The following HYCC1 variants were observed in gnomAD, a reference collection of about 807,000 sequenced individuals.
The protein encoded by HYCC1 is hyccin PI4KA lipid kinase complex subunit 1, also known as hyccin.
the HYCC1 span, among the ~76,000 whole-genome samples, chr7:22,958,886 G>C: frequency 6.6e-6 from 1 of 152,106 alleles, no homozygotes; most frequent in South Asian, 2.1e-4. Context: ...ATTCATTCTT[G>C]TGCTTCCTGT....
At chr7:22,967,560 T>C in the HYCC1 span, among the ~76,000 whole-genome samples, 7 of 152,164 alleles carry the variant, frequency 4.6e-5, no homozygotes, top group Non-Finnish European at 1.0e-4. Flanking sequence ...TTTTGTTTTG[T>C]TTTAAGCAAA....
At chr7:23,003,334 C>T in the HYCC1 span, among the ~76,000 whole-genome samples, 1 of 151,864 alleles carries the variant, frequency 6.6e-6, no homozygotes, top group African/African-American at 2.4e-5. Flanking sequence ...GATTCACAGT[C>T]TATTAGGAGA....
chr7:22,959,159 A>G, the HYCC1 span, among the ~76,000 whole-genome samples: 2 of 152,174 alleles, frequency 1.3e-5, no homozygotes, highest in East Asian at 3.8e-4. Flanking sequence ...CCTCTTTTAT[A>G]CTTTCCTATG....
the HYCC1 span, among the ~76,000 whole-genome samples, chr7:22,953,259 T>C: frequency 6.6e-6 from 1 of 151,890 alleles, no homozygotes; most frequent in African/African-American, 2.4e-5. Context: ...CAACACCTAT[T>C]ACAAAACTAC....
At chr7:22,987,322 C>A in the HYCC1 span, among the ~76,000 whole-genome samples, 1 of 152,148 alleles carries the variant, frequency 6.6e-6, no homozygotes, top group Non-Finnish European at 1.5e-5. Flanking sequence ...CCAAGGCAAG[C>A]GGATAACTTG....
the HYCC1 span, among the ~76,000 whole-genome samples, chr7:22,897,391 G>T: frequency 6.6e-6 from 1 of 152,180 alleles, no homozygotes; most frequent in African/African-American, 2.4e-5. Flanking sequence ...GGTTGATTTT[G>T]TCAAGAGTGG....
chr7:22,918,615 T>A, the HYCC1 span, among the ~76,000 whole-genome samples: 1 of 152,134 alleles, frequency 6.6e-6, no homozygotes, highest in Admixed American at 6.5e-5. Context: ...AAATGAAGAA[T>A]CACTAAAGAA....
chr7:22,974,794 G>T, the HYCC1 span, among the ~76,000 whole-genome samples: 1 of 152,166 alleles, frequency 6.6e-6, no homozygotes, highest in Admixed American at 6.5e-5. Context: ...CACATGTCGT[G>T]GGAGGAACCC....
At chr7:22,921,171 T>C in the HYCC1 span, among the ~76,000 whole-genome samples, 3 of 152,258 alleles carry the variant, frequency 2.0e-5, no homozygotes, top group African/African-American at 7.2e-5. Flanking sequence ...TTCTCTTGGC[T>C]GATTTACAAA....
the HYCC1 span, among the ~76,000 whole-genome samples, chr7:22,952,573 A>G: frequency 6.6e-6 from 1 of 152,010 alleles, no homozygotes; most frequent in South Asian, 2.1e-4. Flanking sequence ...CATATGCCAT[A>G]GCACGAAGTC....
At chr7:22,931,551 GAAAACCTAAATTGCTTTAAA>G in the HYCC1 span, among the ~76,000 whole-genome samples, 3 of 152,120 alleles carry the variant, frequency 2.0e-5, no homozygotes, top group African/African-American at 7.2e-5. Flanking sequence ...ATACATGATA[GAAAACCTAAATTGCTTTAAA>G]AAGTTTGCTG....
the HYCC1 span, among the ~76,000 whole-genome samples, chr7:22,947,493 T>C: frequency 6.6e-6 from 1 of 152,132 alleles, no homozygotes; most frequent in African/African-American, 2.4e-5. Context: ...TCTGCATTTT[T>C]TCACACACAC....
At chr7:22,993,707 TAC>T in the HYCC1 span, among the ~76,000 whole-genome samples, 4 of 148,274 alleles carry the variant, frequency 2.7e-5, no homozygotes, top group Non-Finnish European at 4.5e-5. Context: ...CACACACACA[TAC>T]ACACACACAC....
chr7:22,913,477 G>A, the HYCC1 span, among the ~76,000 whole-genome samples: 1 of 152,164 alleles, frequency 6.6e-6, no homozygotes, highest in Non-Finnish European at 1.5e-5. Context: ...TCAGGCCTCT[G>A]AGCCCAAGCC....
chr7:22,976,342 G>C, the HYCC1 span: 1 of 1,463,616 alleles, frequency 6.8e-7, no homozygotes, highest in East Asian at 2.3e-5. Context: ...CAAATCTTTA[G>C]AATTCTAAGA....
the HYCC1 span, among the ~76,000 whole-genome samples, chr7:22,984,471 G>A: frequency 6.6e-6 from 1 of 152,138 alleles, no homozygotes; most frequent in South Asian, 2.1e-4. Flanking sequence ...TGTAATCCTA[G>A]CACTTTGGGA....
chr7:22,938,835 C>T, the HYCC1 span: 1 of 127,230 alleles, frequency 7.9e-6, no homozygotes, highest in Non-Finnish European at 1.7e-5. Flanking sequence ...CCATGCTTCA[C>T]TCACAGTGAT....
At chr7:22,917,609 CTGTG>C in the HYCC1 span, among the ~76,000 whole-genome samples, 1 of 152,198 alleles carries the variant, frequency 6.6e-6, no homozygotes, top group Non-Finnish European at 1.5e-5. Context: ...GAAAAGGCCA[CTGTG>C]GTCATTTCTT....
the HYCC1 span, among the ~76,000 whole-genome samples, chr7:22,905,786 ATAT>A: frequency 6.6e-6 from 1 of 152,218 alleles, no homozygotes; most frequent in African/African-American, 2.4e-5. Flanking sequence ...AAAATGAAAT[ATAT>A]TAAGTTACGG....
Sources: gnomAD v4.1 joint callset for allele counts (sites outside exome capture counted in the v4.1 genomes callset) on GRCh38, gnomAD v4.1.1 for gene constraint, MANE v1.5 for transcripts, NCBI Gene and HGNC (gene_info 2026-07-23, HGNC 2026-07-21) for gene names.